Variants in SI observed in about 807,000 individuals in gnomAD.
SI encodes sucrase-isomaltase, intestinal.
A neutral mutation model predicts 253.3 loss-of-function variants in SI; 235 were observed. That is an observed-to-expected ratio of 0.93 (90% CI 0.83 to 1.03). The LOEUF (loss-of-function observed/expected upper bound fraction) is 1.03. SI is among the 50% of genes least tolerant of loss of function. The probability of loss-of-function intolerance (pLI) is 0.00; values close to 1 mark genes in which losing one functional copy is unlikely to be tolerated. For missense variants in SI, 2,442 were observed against 2,211.1 expected, an observed-to-expected ratio of 1.10 and a Z score of -2.09; for synonymous variants, 819 against 712.0, an observed-to-expected ratio of 1.15 and a Z score of -2.39.
intron 13 of SI, among the ~76,000 whole-genome samples, 193 bp downstream of exon 13, chr3:165,055,001 T>TTATTG (rs931823245): frequency 2.0e-5 from 3 of 152,174 alleles, no homozygotes; most frequent in Non-Finnish European, 4.4e-5. Context: ...TGATTGGCAT[T>TTATTG]TTTTGTTTTG....
In SI at chr3:165,041,105, G is replaced by A. The variant is rs1487909793; in HGVS notation, c.2005-11C>T. 3.1e-6 allele frequency: 5 copies of A among 1,611,584 alleles called. No homozygotes were observed. In the Admixed American group the frequency reaches 8.4e-5, roughly 27 times the overall value. ...TGCAGGATCCTGATGCTGTGAGATA[G>A]AAAGAGAAATTAAAATAAGAAAGCT... On this transcript the variant is annotated splice_polypyrimidine_tract_variant and intron_variant, in intron 17 of 47. Transcript: ENST00000264382.
intron 40 of SI, among the ~76,000 whole-genome samples, chr3:164,995,955 A>T (rs564772043): frequency 6.6e-6 from 1 of 151,778 alleles, no homozygotes; most frequent in Non-Finnish European, 1.5e-5. Context: ...CTTTCCCAAT[A>T]TTACAGCTTT....
At chr3:164,985,095 C>T (rs1559976062) in intron 45 of SI, among the ~76,000 whole-genome samples, 1 of 152,078 alleles carries the variant, frequency 6.6e-6, no homozygotes, top group Non-Finnish European at 1.5e-5. Flanking sequence ...GGATTATGCT[C>T]AGGTACTTTC....
intron 25 of SI, among the ~76,000 whole-genome samples, chr3:165,027,005 A>G (rs1009765933): frequency 4.0e-5 from 6 of 151,498 alleles, no homozygotes; most frequent in African/African-American, 9.7e-5. Context: ...AAACAAAAAA[A>G]TACAAAAGAC....
Position 165,017,244 on chromosome 3 carries a change from G to T in SI, c.3759+304C>A, listed in dbSNP as rs528970705. On this transcript the variant is annotated intron_variant, in intron 31 of 47. Transcript: ENST00000264382. Reference sequence around the variant, plus strand: ...ATTTCTGTGAACTTTAACATGAAGAGAACATAGTGACTGCCTGTACAACCC... The same window carrying T: ...ATTTCTGTGAACTTTAACATGAAGATAACATAGTGACTGCCTGTACAACCC... Among the ~76,000 whole-genome samples, 12 of 151,988 alleles carry T rather than the reference G, an allele frequency of 7.9e-5. No individual in the cohort carries two copies. In the South Asian group the frequency reaches 1.2e-3, roughly 16 times the overall value.
Position 165,074,810 on chromosome 3 carries a change from C to G in SI, c.119-143G>C, listed in dbSNP as rs971952037. 1.1e-5 allele frequency: 7 copies of G among 658,132 alleles called. No individual in the cohort carries two copies. In the African/African-American group the frequency reaches 1.3e-4, roughly 12 times the overall value. 40.8% of individuals were successfully genotyped at this position (658,132 alleles called of 1,614,324 possible). On this transcript the variant is annotated intron_variant, in intron 2 of 47. Coordinates refer to ENST00000264382, the MANE Select transcript of SI (RefSeq NM_001041.4). ...AAAATAAATTTTGCATTTAAAAAGA[C>G]CCACAATTTCAAGCACTAGTCATCA...
At chr3:165,041,189 T>A in intron 17 of SI, 95 bp from the exon 18 acceptor site, 2 of 1,061,794 alleles carry the variant, frequency 1.9e-6, no homozygotes, top group East Asian at 4.8e-5. Context: ...AGCAACTACA[T>A]AAATTTCAGC....
At chr3:164,997,037 T>C (rs1718044168) in intron 38 of SI, among the ~76,000 whole-genome samples, 2 of 151,724 alleles carry the variant, frequency 1.3e-5, no homozygotes, top group African/African-American at 4.8e-5. Context: ...AACAAATACA[T>C]TATAAACACA....
In SI at chr3:165,043,336, A is replaced by G. The variant is rs1712947336; in HGVS notation, c.1888-161T>C. ...CCAATTTATTTTCCATTTTTGCTCT[A>G]TCCTTGTCTCTAGTTGCATTATTTT... On this transcript the variant is annotated intron_variant, in intron 16 of 47. Coordinates refer to ENST00000264382, the MANE Select transcript of SI (RefSeq NM_001041.4). Among the ~76,000 whole-genome samples, 4 of 151,930 alleles carry G rather than the reference A, an allele frequency of 2.6e-5. No individual in the cohort carries two copies. The South Asian group carries it at 6.2e-4, about 24-fold the overall frequency.
At position 165,065,318 on chromosome 3, in the gene SI, A is replaced by C. The variant is rs776889175; in HGVS notation, c.750T>G (p.Arg250=). 1.9e-6 allele frequency: 3 copies of C among 1,608,428 alleles called. No individual in the cohort carries two copies. In the South Asian group the frequency reaches 3.3e-5, roughly 18 times the overall value. The change falls in exon 7 of 48, where the codon CGT becomes CGG. Residue 250 remains arginine (R), a synonymous_variant. Coordinates refer to ENST00000264382, the MANE Select transcript of SI (RefSeq NM_001041.4). ...GCCATGTTTTCCAGGATAAATCATG[A>C]CGAAATCTCTTATGAACTTGTTCTC... The part of the protein sequence containing the change: ...GIGEQVHKRF[R]HDLSWKTWPI...
rs376341511 is a variant in SI, at chr3:165,021,241, C to A, written c.3242G>T (p.Ser1081Ile). 1 of 1,610,790 alleles carries A rather than the reference C, an allele frequency of 6.2e-7. No individual in the cohort carries two copies. Among genetic ancestry groups the A allele is most frequent in the Middle Eastern group, 1.7e-4 (1 of 6,042 alleles). ...PFGIQIRRRS[S>I]GRVIWDSWLP... ...TTCAATTACTTACATGACTCTTCCA[C>A]TGCTTCTCCGTCGAATCTGGATGCC... The change falls in exon 27 of 48, where the codon AGT (serine) becomes ATT (isoleucine). Residue 1081 changes from serine (S) to isoleucine (I), a missense_variant. Physicochemically the swap from Ser to Ile is moderately radical, Grantham distance 142. Transcript: ENST00000264382.
intron 5 of SI, 24 bp downstream of exon 5, chr3:165,068,698 C>A: frequency 6.5e-7 from 1 of 1,547,446 alleles, no homozygotes; most frequent in Non-Finnish European, 8.9e-7. Context: ...AGTATTAAAT[C>A]TTTGGAAACC....
At chr3:165,057,720 TTTATC>T (rs905937300) in intron 12 of SI, among the ~76,000 whole-genome samples, 1 of 151,838 alleles carries the variant, frequency 6.6e-6, no homozygotes, top group Non-Finnish European at 1.5e-5. Context: ...AAAAAAAACT[TTTATC>T]TTAGTAGACT....
intron 3 of SI, among the ~76,000 whole-genome samples, chr3:165,071,035 G>T (rs941225113): frequency 7.2e-5 from 11 of 152,016 alleles, no homozygotes; most frequent in African/African-American, 2.7e-4. Context: ...GTCTCTGTGT[G>T]TGGTTCCTTC....
At position 165,011,420 on chromosome 3, in the gene SI, C is replaced by T. The variant is rs559905475; in HGVS notation, c.4062+1560G>A. The stretch of plus-strand genomic sequence containing the variant: ...CACGTATTTTTGAATTGACTTATTT[C>T]CCCTCTTTTTCTGATTTCTAGTTTA... On this transcript the variant is annotated intron_variant, in intron 34 of 47. Coordinates refer to ENST00000264382, the MANE Select transcript of SI (RefSeq NM_001041.4). Among the ~76,000 whole-genome samples, 24 of 152,044 alleles carry T rather than the reference C, an allele frequency of 1.6e-4. No homozygotes were observed. In the South Asian group the frequency reaches 4.8e-3, roughly 30 times the overall value.
intron 14 of SI, 56 bp from the exon 15 acceptor site, chr3:165,049,300 T>C: frequency 2.0e-6 from 2 of 994,820 alleles, no homozygotes; most frequent in Non-Finnish European, 3.1e-6. Flanking sequence ...AAAAGTTATA[T>C]ATTTTCCATC....
In SI at chr3:165,040,955, C is replaced by T. The variant is rs1712793510; in HGVS notation, c.2144G>A (p.Arg715Lys). 1 of 1,611,084 alleles carries T rather than the reference C, an allele frequency of 6.2e-7. No homozygotes were observed. The change falls in exon 18 of 48, where the codon AGA (arginine) becomes AAA (lysine). Residue 715 changes from arginine to lysine, a missense_variant. Physicochemically the swap from Arg to Lys is conservative, Grantham distance 26. Coordinates refer to ENST00000264382, the MANE Select transcript of SI (RefSeq NM_001041.4). ...KAHVFGETVARPVLHEFYEDT... is the reference protein window; with the variant it reads ...KAHVFGETVAKPVLHEFYEDT... ...TAGTACTCACTCATGAAGAACTGGT[C>T]TTGCTACTGTTTCTCCAAACACATG... is the stretch of plus-strand genomic sequence containing the variant.
chr3:165,021,583 C>A (rs1020769637), intron 26 of SI, among the ~76,000 whole-genome samples, 200 bp from the exon 27 acceptor site: 1 of 151,474 alleles, frequency 6.6e-6, no homozygotes, highest in Non-Finnish European at 1.5e-5. Context: ...TAACTGAATA[C>A]TGCATTTTTG....
At chr3:165,012,439 G>T (rs923032990) in intron 34 of SI, among the ~76,000 whole-genome samples, 1 of 151,738 alleles carries the variant, frequency 6.6e-6, no homozygotes, top group Non-Finnish European at 1.5e-5. Context: ...GTTTTGTTTT[G>T]TTTTTTTGAG....
Sources: gnomAD v4.1 joint callset for allele counts (sites outside exome capture counted in the v4.1 genomes callset) on GRCh38, gnomAD v4.1.1 for gene constraint, MANE v1.5 for transcripts, NCBI Gene and HGNC (gene_info 2026-07-23, HGNC 2026-07-21) for gene names.